DPP6: variants seen among roughly 807,000 people sequenced by gnomAD.
DPP6 encodes the protein dipeptidyl peptidase like 6.
DPP6 carries 69 observed loss-of-function variants against 122.6 expected under a neutral mutation model. The observed-to-expected ratio is 0.56, with a 90% CI of 0.46 to 0.69. The LOEUF (loss-of-function observed/expected upper bound fraction) is 0.69, where lower values mean the gene tolerates loss of function less well. Ranked by LOEUF, DPP6 falls within the 30% of genes least tolerant of loss-of-function variation. The pLI, the probability that DPP6 is intolerant of heterozygous loss-of-function variation, is 0.00. For synonymous variants in DPP6, 418 were observed against 433.1 expected (o/e 0.97, Z 0.43); for missense variants, 928 against 1,116.9 (o/e 0.83, Z 2.41).
chr7:154,528,679 A>G (rs1343421516), intron 3 of DPP6, among the ~76,000 whole-genome samples: 1 of 152,246 alleles, frequency 6.6e-6, no homozygotes, highest in Non-Finnish European at 1.5e-5. Flanking sequence ...ACAGAGAGTT[A>G]TTACAAACAA....
chr7:154,606,205 T>C (rs1833584225), intron 5 of DPP6, among the ~76,000 whole-genome samples: 1 of 120,636 alleles, frequency 8.3e-6, no homozygotes, highest in Admixed American at 9.3e-5. Context: ...GATGTTAGTC[T>C]CTATGACCTA....
At chr7:153,784,695 T>C in the DPP6 span, among the ~76,000 whole-genome samples, 1 of 152,180 alleles carries the variant, frequency 6.6e-6, no homozygotes, top group South Asian at 2.1e-4. Context: ...GCTGTAGGAG[T>C]CTGAAAAGAT....
intron 1 of DPP6, among the ~76,000 whole-genome samples, chr7:153,909,674 C>T (rs1799997288): frequency 6.6e-6 from 1 of 152,190 alleles, no homozygotes; most frequent in Non-Finnish European, 1.5e-5. Flanking sequence ...ACTTAAGTCT[C>T]TGAAGGAGCT....
At chr7:153,820,170 A>G in the DPP6 span, among the ~76,000 whole-genome samples, 17 of 152,226 alleles carry the variant, frequency 1.1e-4, no homozygotes, top group African/African-American at 3.4e-4. Context: ...CAGAAAGTCA[A>G]TAGTACAAGC....
At chr7:154,710,925 T>A (rs753450) in intron 7 of DPP6, among the ~76,000 whole-genome samples, 1 of 152,118 alleles carries the variant, frequency 6.6e-6, no homozygotes, top group Non-Finnish European at 1.5e-5. Flanking sequence ...TGCTTCGCCC[T>A]ATAAATTATG....
chr7:154,591,262 G>A (rs1832795767), intron 5 of DPP6, among the ~76,000 whole-genome samples: 1 of 152,172 alleles, frequency 6.6e-6, no homozygotes, highest in Non-Finnish European at 1.5e-5. Flanking sequence ...TTCTTCAATT[G>A]CAGGCTTTTG....
rs758177246 is a variant in DPP6 at position 154,880,951 on chromosome 7, GCGCCACCC to G, written c.2133+10_2133+17del. On this transcript the variant is annotated intron_variant, in intron 21 of 25. Coordinates refer to ENST00000377770, the MANE Select transcript of DPP6 (RefSeq NM_130797.4). ...TGGCCGTGTTTGGGAAGGTGAGTCT[GCGCCACCC>G]TGGTCTGAAAACCCCTCAGTTCCAG... The G allele has an allele frequency of 1.2e-6, 2 of 1,613,844 alleles. No homozygotes were observed. The highest frequency in any genetic ancestry group is 2.2e-5 in the South Asian group (2 of 91,072).
chr7:154,265,351 G>A (rs1463154429), intron 1 of DPP6, among the ~76,000 whole-genome samples: 1 of 152,174 alleles, frequency 6.6e-6, no homozygotes, highest in African/African-American at 2.4e-5. Flanking sequence ...ATGAAATGTG[G>A]TGCAGCCTTC....
chr7:154,365,914 C>T (rs1417921546), intron 1 of DPP6, among the ~76,000 whole-genome samples: 13 of 146,208 alleles, frequency 8.9e-5, no homozygotes, highest in African/African-American at 5.1e-5. Context: ...GCCGAGATCG[C>T]GCCACTGCGT....
intron 1 of DPP6, among the ~76,000 whole-genome samples, chr7:154,295,011 G>A (rs555554169): frequency 4.1e-4 from 63 of 152,328 alleles, no homozygotes; most frequent in African/African-American, 1.5e-3. Context: ...CCGTGCCATC[G>A]AGGGCCAACC....
chr7:154,351,004 G>A (rs1338097871), intron 1 of DPP6, among the ~76,000 whole-genome samples: 1 of 152,172 alleles, frequency 6.6e-6, no homozygotes, highest in Non-Finnish European at 1.5e-5. Context: ...TTGGACTGTA[G>A]GTTCTGGAAA....
intron 1 of DPP6, among the ~76,000 whole-genome samples, chr7:154,016,210 A>G (rs1798405562): frequency 6.6e-6 from 1 of 152,064 alleles, no homozygotes; most frequent in Admixed American, 6.6e-5. Flanking sequence ...GTCTTGTTTT[A>G]TCTTCTTCTC....
intron 19 of DPP6, 94 bp downstream of exon 19, chr7:154,872,787 G>A (rs1019048131): frequency 1.3e-6 from 2 of 1,543,058 alleles, no homozygotes; most frequent in African/African-American, 2.7e-5. Context: ...GAAAAGATAA[G>A]CAGGAGAAAT....
At chr7:154,767,941 C>T (rs1293691521) in intron 8 of DPP6, among the ~76,000 whole-genome samples, 1 of 152,176 alleles carries the variant, frequency 6.6e-6, no homozygotes, top group Non-Finnish European at 1.5e-5. Flanking sequence ...ACTCACGTGA[C>T]AGGGGAGCGA....
intron 3 of DPP6, among the ~76,000 whole-genome samples, chr7:154,510,815 T>C (rs538868385): frequency 2.0e-5 from 3 of 152,146 alleles, no homozygotes; most frequent in African/African-American, 7.2e-5. Flanking sequence ...ATTATATACC[T>C]AACTGGGTGA....
Position 153,943,911 on chromosome 7 carries a change from C to A in DPP6, c.51+56177C>A, listed in dbSNP as rs117002942. ...AGGGAATTTAAAAGAATGATGAGATCCAGCCCCGGCCTGAAACAAAGGCAG... is the reference window on the plus strand; with the variant it reads ...AGGGAATTTAAAAGAATGATGAGATACAGCCCCGGCCTGAAACAAAGGCAG... On this transcript the variant is annotated intron_variant, in intron 1 of 25. Transcript: ENST00000404039. 3.3e-3 allele frequency among the ~76,000 whole-genome samples: 509 copies of A among 152,238 alleles called. 24 individuals carry two copies. In the East Asian group the frequency reaches 0.083, roughly 25 times the overall value.
intron 1 of DPP6, among the ~76,000 whole-genome samples, chr7:154,252,445 C>T (rs193013871): frequency 6.6e-6 from 1 of 152,182 alleles, no homozygotes. Flanking sequence ...GCAGACTGAC[C>T]CTTAGTCAGA....
At chr7:154,217,704 G>A (rs1182087927) in intron 1 of DPP6, among the ~76,000 whole-genome samples, 4 of 152,182 alleles carry the variant, frequency 2.6e-5, no homozygotes, top group Admixed American at 6.5e-5. Flanking sequence ...AACCTTCCAC[G>A]AGGCTGTGGT....
At chr7:154,685,781 A>G (rs916531334) in intron 7 of DPP6, among the ~76,000 whole-genome samples, 1 of 152,224 alleles carries the variant, frequency 6.6e-6, no homozygotes, top group African/African-American at 2.4e-5. Context: ...GCTCCTGGTC[A>G]ATTCAACTTA....
Sources: gnomAD v4.1 joint callset for allele counts (sites outside exome capture counted in the v4.1 genomes callset) on GRCh38, gnomAD v4.1.1 for gene constraint, MANE v1.5 for transcripts, NCBI Gene and HGNC (gene_info 2026-07-23, HGNC 2026-07-21) for gene names.